Variants in CDYL observed in about 807,000 individuals in gnomAD.
The protein encoded by CDYL is chromodomain Y like.
CDYL carries 8 observed loss-of-function variants against 47.3 expected under a neutral mutation model. The observed-to-expected ratio is 0.17, with a 90% CI of 0.10 to 0.31. The LOEUF is 0.31. CDYL is among the 10% of genes least tolerant of loss of function. The pLI is 1.00. For missense variants in CDYL, 471 were observed against 701.4 expected, an observed-to-expected ratio of 0.67 and a Z score of 3.71; for synonymous variants, 266 against 265.0, an observed-to-expected ratio of 1.00 and a Z score of -0.04.
chr6:4,944,824 G>A (rs1246778928), intron 5 of CDYL, among the ~76,000 whole-genome samples: 1 of 152,198 alleles, frequency 6.6e-6, no homozygotes, highest in African/African-American at 2.4e-5. Flanking sequence ...TTACAGTAAA[G>A]AAACCTGGCA....
At chr6:4,924,794 T>A (rs1030783013) in intron 2 of CDYL, among the ~76,000 whole-genome samples, 1 of 152,204 alleles carries the variant, frequency 6.6e-6, no homozygotes, top group Non-Finnish European at 1.5e-5. Flanking sequence ...ATCGCCACAC[T>A]GCAAAATCAT....
chr6:4,863,041 G>A (rs1025328827), intron 1 of CDYL, among the ~76,000 whole-genome samples: 2 of 152,184 alleles, frequency 1.3e-5, no homozygotes, highest in African/African-American at 4.8e-5. Context: ...ATGAAATTAT[G>A]TTCTTTGCAG....
intron 2 of CDYL, among the ~76,000 whole-genome samples, chr6:4,729,126 C>T (rs1319879239): frequency 1.3e-5 from 2 of 152,136 alleles, no homozygotes; most frequent in Non-Finnish European, 2.9e-5. Flanking sequence ...TCAATTACAG[C>T]ACAGAGTCAG....
At chr6:4,852,372 TC>T (rs1760858526) in intron 1 of CDYL, among the ~76,000 whole-genome samples, 1 of 141,508 alleles carries the variant, frequency 7.1e-6, no homozygotes, top group African/African-American at 2.9e-5. Context: ...CCTTCCTTCC[TC>T]CTTCCTTCCT....
At chr6:4,710,599 C>T (rs914831384) in intron 1 of CDYL, among the ~76,000 whole-genome samples, 2 of 152,090 alleles carry the variant, frequency 1.3e-5, no homozygotes, top group African/African-American at 2.4e-5. Flanking sequence ...TTTAGGGCCT[C>T]GTTTCACAGG....
chr6:4,945,738 C>G (rs1758493357), intron 5 of CDYL, among the ~76,000 whole-genome samples: 1 of 152,260 alleles, frequency 6.6e-6, no homozygotes, highest in Non-Finnish European at 1.5e-5. Flanking sequence ...TGGCACCTCT[C>G]AGGCCGTGCC....
chr6:4,864,605 T>G (rs1270798005), intron 1 of CDYL, among the ~76,000 whole-genome samples: 1 of 152,140 alleles, frequency 6.6e-6, no homozygotes, highest in Non-Finnish European at 1.5e-5. Context: ...AGGGGGTAAT[T>G]GAATCATGGG....
rs559398437 is a variant in CDYL at position 4,809,207 on chromosome 6, C to T, written c.24+32400C>T. 3.3e-5 allele frequency among the ~76,000 whole-genome samples: 5 copies of T among 152,274 alleles called. No individual in the cohort carries two copies. The South Asian group carries it at 1.0e-3, about 32-fold the overall frequency. ...AGGTAGTATGGTATAAGATACTCTTCTGCACTTGACTTTTTTCACTTATCA... is the reference window on the plus strand; with the variant it reads ...AGGTAGTATGGTATAAGATACTCTTTTGCACTTGACTTTTTTCACTTATCA... On this transcript the variant is annotated intron_variant, in intron 1 of 6. Transcript: ENST00000397588.
intron 2 of CDYL, among the ~76,000 whole-genome samples, chr6:4,914,568 G>C (rs780418787): frequency 2.0e-5 from 3 of 152,196 alleles, no homozygotes; most frequent in Non-Finnish European, 4.4e-5. Context: ...CTGTGTGGCT[G>C]CCTTGCAACC....
chr6:4,843,187 G>C (rs1248295559), intron 1 of CDYL, among the ~76,000 whole-genome samples: 1 of 152,176 alleles, frequency 6.6e-6, no homozygotes, highest in Non-Finnish European at 1.5e-5. Flanking sequence ...GAAATCTGCT[G>C]TTAATCTGTT....
chr6:4,923,110 A>G (rs1757765922), intron 2 of CDYL, among the ~76,000 whole-genome samples: 1 of 152,234 alleles, frequency 6.6e-6, no homozygotes, highest in African/African-American at 2.4e-5. Flanking sequence ...ATTTGAAAAT[A>G]TACAATAAAT....
intron 5 of CDYL, among the ~76,000 whole-genome samples, chr6:4,950,755 C>T (rs574438169): frequency 2.4e-4 from 36 of 152,020 alleles, no homozygotes; most frequent in African/African-American, 8.7e-4. Context: ...AGTGAAACCC[C>T]GTCTCTACCA....
intron 1 of CDYL, among the ~76,000 whole-genome samples, chr6:4,806,860 C>T (rs1196502683): frequency 1.3e-5 from 2 of 152,144 alleles, no homozygotes; most frequent in South Asian, 2.1e-4. Flanking sequence ...CTTGGGCAGC[C>T]GTAATAAAAT....
intron 1 of CDYL, among the ~76,000 whole-genome samples, chr6:4,778,522 G>A (rs925461485): frequency 1.3e-5 from 2 of 152,098 alleles, no homozygotes; most frequent in African/African-American, 4.8e-5. Flanking sequence ...AACGTTTATT[G>A]AATGCTTGCC....
intron 1 of CDYL, among the ~76,000 whole-genome samples, chr6:4,804,935 T>G (rs979083023): frequency 6.6e-6 from 1 of 152,138 alleles, no homozygotes; most frequent in African/African-American, 2.4e-5. Flanking sequence ...TATCTGAGTG[T>G]TCCAGGTTAC....
intron 1 of CDYL, 114 bp from the exon 2 acceptor site, chr6:4,891,599 A>G: frequency 1.3e-6 from 1 of 783,954 alleles, no homozygotes. Context: ...TGCAGAAGAG[A>G]TCATTTTATC....
chr6:4,852,741 A>C (rs1284425434), intron 1 of CDYL, among the ~76,000 whole-genome samples: 1 of 151,798 alleles, frequency 6.6e-6, no homozygotes, highest in Admixed American at 6.6e-5. Flanking sequence ...ATTCAAATAC[A>C]TTATTTTTGT....
At chr6:4,837,297 C>T (rs1033116011) in intron 1 of CDYL, among the ~76,000 whole-genome samples, 1 of 152,144 alleles carries the variant, frequency 6.6e-6, no homozygotes, top group Admixed American at 6.5e-5. Context: ...AATTGTTATA[C>T]AATCTTTTGG....
intron 1 of CDYL, among the ~76,000 whole-genome samples, chr6:4,874,798 A>G (rs534210617): frequency 6.6e-6 from 1 of 152,274 alleles, no homozygotes; most frequent in East Asian, 1.9e-4. Flanking sequence ...AGGATTTCAT[A>G]CAAACACAGT....
Sources: gnomAD v4.1 joint callset for allele counts (sites outside exome capture counted in the v4.1 genomes callset) on GRCh38, gnomAD v4.1.1 for gene constraint, MANE v1.5 for transcripts, NCBI Gene and HGNC (gene_info 2026-07-23, HGNC 2026-07-21) for gene names.